The following SEMA5A variants were observed in gnomAD, a reference collection of about 807,000 sequenced individuals.
SEMA5A encodes the protein semaphorin 5A.
SEMA5A carries 55 observed loss-of-function variants against 135.5 expected under a neutral mutation model. The ratio of observed to expected loss-of-function variants is 0.41; its 90% CI spans 0.33 to 0.51. The LOEUF (loss-of-function observed/expected upper bound fraction) is 0.51, where lower values mean the gene tolerates loss of function less well. SEMA5A is among the 20% of genes least tolerant of loss of function. The pLI is 0.37. For synonymous variants in SEMA5A, 580 were observed against 546.5 expected, an observed-to-expected ratio of 1.06 and a Z score of -0.85; for missense variants, 1,290 against 1,419.9, an observed-to-expected ratio of 0.91 and a Z score of 1.47.
chr5:9,444,609 G>T (rs1484875650), intron 1 of SEMA5A, among the ~76,000 whole-genome samples: 1 of 152,066 alleles, frequency 6.6e-6, no homozygotes, highest in Non-Finnish European at 1.5e-5. Context: ...ATTTTGGTTG[G>T]TTCCACATTT....
At chr5:9,237,585 A>C in intron 6 of SEMA5A, 1 of 349,754 alleles carries the variant, frequency 2.9e-6, no homozygotes, top group Non-Finnish European at 5.1e-6. Context: ...GTCTAATGAC[A>C]GAAAGGGCAA....
intron 16 of SEMA5A, 63 bp downstream of exon 16, chr5:9,108,077 G>A: frequency 6.4e-7 from 1 of 1,560,176 alleles, no homozygotes; most frequent in Non-Finnish European, 8.7e-7. Flanking sequence ...AGAATTTTGT[G>A]TGTATTGAGT....
At chr5:9,052,097 C>T in intron 19 of SEMA5A, 69 bp from the exon 20 acceptor site, 1 of 1,432,118 alleles carries the variant, frequency 7.0e-7, no homozygotes, top group Non-Finnish European at 9.3e-7. Flanking sequence ...GACTCACTGG[C>T]AAGTTACATA....
chr5:9,314,291 A>G (rs1189871217), intron 5 of SEMA5A, among the ~76,000 whole-genome samples: 1 of 152,076 alleles, frequency 6.6e-6, no homozygotes, highest in Non-Finnish European at 1.5e-5. Context: ...CCAGCGATCC[A>G]GAACACTTCA....
intron 16 of SEMA5A, among the ~76,000 whole-genome samples, chr5:9,107,511 G>A (rs1739986440): frequency 6.6e-6 from 1 of 152,106 alleles, no homozygotes; most frequent in Non-Finnish European, 1.5e-5. Context: ...CTGATATGGG[G>A]ATATTATTCC....
chr5:9,049,305 G>C (rs182918176), intron 21 of SEMA5A, among the ~76,000 whole-genome samples: 1 of 152,276 alleles, frequency 6.6e-6, no homozygotes, highest in African/African-American at 2.4e-5. Context: ...GGGACTACAG[G>C]TGTGTGCCAT....
intron 3 of SEMA5A, among the ~76,000 whole-genome samples, chr5:9,377,270 T>C (rs921660258): frequency 2.0e-5 from 3 of 152,222 alleles, no homozygotes; most frequent in Non-Finnish European, 2.9e-5. Flanking sequence ...TATGTGTGTG[T>C]GTTGCTTTGC....
At chr5:9,344,564 G>A (rs558631506) in intron 3 of SEMA5A, among the ~76,000 whole-genome samples, 1 of 152,240 alleles carries the variant, frequency 6.6e-6, no homozygotes, top group Non-Finnish European at 1.5e-5. Flanking sequence ...AGTGAAGGAG[G>A]AGTACCCCAG....
At chr5:9,067,132 C>T (rs926526197) in intron 16 of SEMA5A, among the ~76,000 whole-genome samples, 4 of 152,252 alleles carry the variant, frequency 2.6e-5, no homozygotes, top group African/African-American at 9.6e-5. Flanking sequence ...ATGCAAGAGA[C>T]TTTTTTTACG....
intron 11 of SEMA5A, among the ~76,000 whole-genome samples, chr5:9,164,130 AAATATT>A (rs1743468019): frequency 3.6e-5 from 4 of 110,996 alleles, no homozygotes; most frequent in Non-Finnish European, 5.0e-5. Flanking sequence ...TATATCATAT[AAATATT>A]TATATAATTA....
intron 11 of SEMA5A, among the ~76,000 whole-genome samples, chr5:9,186,418 T>C (rs1352212666): frequency 6.6e-6 from 1 of 152,198 alleles, no homozygotes; most frequent in Non-Finnish European, 1.5e-5. Context: ...GCTGGTTTCC[T>C]CCCATTTGCA....
chr5:9,501,004 C>A (rs1735569733), intron 1 of SEMA5A, among the ~76,000 whole-genome samples: 1 of 152,008 alleles, frequency 6.6e-6, no homozygotes, highest in African/African-American at 2.4e-5. Flanking sequence ...ACCATCCCTG[C>A]CTTTATGAAA....
chr5:9,482,230 C>T (rs1369586302), intron 1 of SEMA5A, among the ~76,000 whole-genome samples: 1 of 152,130 alleles, frequency 6.6e-6, no homozygotes, highest in African/African-American at 2.4e-5. Flanking sequence ...TTTCCTACTC[C>T]AGAAGATTCA....
chr5:9,497,529 C>T (rs58585991), intron 1 of SEMA5A, among the ~76,000 whole-genome samples: 3,320 of 152,208 alleles, frequency 0.022, 130 homozygotes, highest in African/African-American at 0.074. Flanking sequence ...TCGAGTGGCA[C>T]GGCATACTCT....
At chr5:9,382,872 A>T (rs1579447951) in intron 2 of SEMA5A, among the ~76,000 whole-genome samples, 1 of 152,236 alleles carries the variant, frequency 6.6e-6, no homozygotes, top group South Asian at 2.1e-4. Context: ...GTCCTTAAGA[A>T]TGGAAGGAAT....
intron 1 of SEMA5A, among the ~76,000 whole-genome samples, chr5:9,493,857 T>A (rs1249217735): frequency 6.6e-6 from 1 of 152,214 alleles, no homozygotes; most frequent in Non-Finnish European, 1.5e-5. Context: ...TTTGAAAGAA[T>A]ATTTTCTAGC....
At chr5:9,150,617 G>A (rs934427286) in intron 12 of SEMA5A, among the ~76,000 whole-genome samples, 2 of 148,410 alleles carry the variant, frequency 1.3e-5, no homozygotes, top group Non-Finnish European at 3.0e-5. Flanking sequence ...CACAACACAC[G>A]TGTGGTCAGT....
intron 3 of SEMA5A, among the ~76,000 whole-genome samples, chr5:9,368,717 T>A (rs1217277614): frequency 6.6e-6 from 1 of 152,248 alleles, no homozygotes; most frequent in Admixed American, 6.5e-5. Flanking sequence ...TAGCTTGCTA[T>A]CTGTATTTGT....
At chr5:9,066,340 C>G in intron 17 of SEMA5A, 81 bp downstream of exon 17, 1 of 1,339,484 alleles carries the variant, frequency 7.5e-7, no homozygotes, top group Non-Finnish European at 1.1e-6. Context: ...GGAAAATGCC[C>G]CCTTGCTGTT....
Sources: gnomAD v4.1 joint callset for allele counts (sites outside exome capture counted in the v4.1 genomes callset) on GRCh38, gnomAD v4.1.1 for gene constraint, MANE v1.5 for transcripts, NCBI Gene and HGNC (gene_info 2026-07-23, HGNC 2026-07-21) for gene names.